The following VAV3 variants were observed in gnomAD, a reference collection of about 807,000 sequenced individuals.
VAV3 encodes vav guanine nucleotide exchange factor 3, also known as guanine nucleotide exchange factor VAV3.
VAV3 carries 94 observed loss-of-function variants against 131.2 expected under a neutral mutation model. The ratio of observed to expected loss-of-function variants is 0.72; its 90% CI spans 0.61 to 0.85. VAV3 has a LOEUF of 0.85. Ranked by LOEUF, VAV3 falls within the 40% of genes least tolerant of loss-of-function variation. VAV3 has a pLI of 0.00. For synonymous variants in VAV3, 349 were observed against 342.0 expected (o/e 1.02, Z -0.22); for missense variants, 939 against 1,002.7 (o/e 0.94, Z 0.86).
chr1:107,753,493 T>TATACACACATATATATACAC (rs1553201222), intron 12 of VAV3, among the ~76,000 whole-genome samples: 24 of 111,620 alleles, frequency 2.2e-4, no homozygotes, highest in African/African-American at 8.1e-4. Context: ...TGTATATATA[T>TATACACACATATATATACAC]ACACACATAT....
At chr1:107,767,622 T>C (rs1158885346) in intron 7 of VAV3, among the ~76,000 whole-genome samples, 2 of 152,088 alleles carry the variant, frequency 1.3e-5, no homozygotes, top group Non-Finnish European at 2.9e-5. Flanking sequence ...CAGAACACAA[T>C]AGAATCAAAA....
At chr1:107,576,399 G>T in intron 25 of VAV3, 4 of 1,521,494 alleles carry the variant, frequency 2.6e-6, no homozygotes, top group Non-Finnish European at 3.5e-6. Context: ...TACCTGACCA[G>T]AAAGGAGTGG....
chr1:107,704,684 C>T (rs56219073), intron 16 of VAV3, 34 bp from the exon 17 acceptor site: 15 of 1,553,418 alleles, frequency 9.7e-6, no homozygotes, highest in South Asian at 2.3e-5. Flanking sequence ...GTATATTAAA[C>T]GGTGCAAAAT....
At chr1:107,796,331 C>T (rs1433918654) in intron 2 of VAV3, among the ~76,000 whole-genome samples, 2 of 152,100 alleles carry the variant, frequency 1.3e-5, no homozygotes, top group Admixed American at 6.5e-5. Context: ...CCAAGCTGCC[C>T]GGCTTCCAAC....
At chr1:107,701,121 A>G (rs1047510809) in intron 17 of VAV3, among the ~76,000 whole-genome samples, 2 of 151,880 alleles carry the variant, frequency 1.3e-5, no homozygotes, top group Non-Finnish European at 1.5e-5. Context: ...GTGTCTGTTC[A>G]TGTCCTTTGC....
chr1:107,632,937 C>G (rs1654613733), intron 20 of VAV3, among the ~76,000 whole-genome samples: 1 of 152,068 alleles, frequency 6.6e-6, no homozygotes, highest in Admixed American at 6.6e-5. Context: ...TAATACTATA[C>G]CAGAAAATCT....
intron 15 of VAV3, among the ~76,000 whole-genome samples, chr1:107,719,215 A>C (rs1661329986): frequency 6.6e-6 from 1 of 152,250 alleles, no homozygotes; most frequent in African/African-American, 2.4e-5. Flanking sequence ...ATGGGATCTA[A>C]TTAAACTAAA....
At position 107,866,822 on chromosome 1, in the gene VAV3, C is replaced by CAAAAAAAAAAA. The variant is rs66866060; in HGVS notation, c.321+8068_321+8078dup. Among the ~76,000 whole-genome samples, 40 of 59,204 alleles carry CAAAAAAAAAAA rather than the reference C, an allele frequency of 6.8e-4. 3 individuals are homozygous for CAAAAAAAAAAA. Among genetic ancestry groups the CAAAAAAAAAAA allele is most frequent in the African/African-American group, 3.1e-3 (38 of 12,214 alleles). The allele number at this position is 59,204 out of a possible 152,430, so 38.8% of individuals were successfully genotyped here. A position where few individuals can be genotyped will look rare whatever the true frequency, so the allele number is the denominator to read the frequency against. On this transcript the variant is annotated intron_variant, in intron 2 of 26. Coordinates refer to ENST00000370056, the MANE Select transcript of VAV3 (RefSeq NM_006113.5). Reference sequence around the variant, plus strand: ...TGGGCAAAAGAGCGAGACTCCATCTCAAAAAAAAAAAAAAAAAAAAAAAAA... The same window carrying CAAAAAAAAAAA: ...TGGGCAAAAGAGCGAGACTCCATCTCAAAAAAAAAAAAAAAAAAAAAAAAAAAAAAAAAAAA...
chr1:107,664,851 A>T (rs894240094), intron 19 of VAV3, among the ~76,000 whole-genome samples: 5 of 152,354 alleles, frequency 3.3e-5, no homozygotes, highest in African/African-American at 9.6e-5. Context: ...GGAATTAACC[A>T]GATATAGAAG....
chr1:107,738,308 C>T (rs1213261002), intron 15 of VAV3, among the ~76,000 whole-genome samples: 1 of 152,096 alleles, frequency 6.6e-6, no homozygotes, highest in Non-Finnish European at 1.5e-5. Context: ...ACATACGTAA[C>T]AAACCTGCAC....
At chr1:107,813,966 C>CTG (rs1557862656) in intron 2 of VAV3, among the ~76,000 whole-genome samples, 1 of 85,860 alleles carries the variant, frequency 1.2e-5, no homozygotes, top group African/African-American at 4.2e-5. Flanking sequence ...AATAGTACTC[C>CTG]AGTGTGTGTG....
At chr1:107,956,231 G>A (rs763441791) in intron 1 of VAV3, among the ~76,000 whole-genome samples, 9 of 152,180 alleles carry the variant, frequency 5.9e-5, no homozygotes, top group African/African-American at 9.7e-5. Flanking sequence ...GTAAGATTAC[G>A]AGTTGAGAGA....
At chr1:107,768,308 CAAAAAAT>C in intron 7 of VAV3, 126 bp downstream of exon 7, 1 of 642,252 alleles carries the variant, frequency 1.6e-6, no homozygotes, top group Non-Finnish European at 2.4e-6. Flanking sequence ...ACTGGAAAAG[CAAAAAAT>C]AAATAAATAA....
rs553639883 is a variant in VAV3, at chr1:107,802,137, G to C, written c.322-22645C>G. On this transcript the variant is annotated intron_variant, in intron 2 of 26. Transcript: ENST00000370056. ...CTATTGCAAATGAGATTGCTTTCTT[G>C]ATTTCTTTTTCAGATTGTTCACTGT... 3.9e-5 allele frequency among the ~76,000 whole-genome samples: 6 copies of C among 152,020 alleles called. No homozygotes were observed. The East Asian group carries it at 1.2e-3, about 29-fold the overall frequency.
At chr1:107,774,152 C>T (rs1665204570) in intron 4 of VAV3, among the ~76,000 whole-genome samples, 2 of 152,092 alleles carry the variant, frequency 1.3e-5, no homozygotes, top group Admixed American at 6.5e-5. Flanking sequence ...CTGCAGCCTC[C>T]ACCTCCTGGG....
intron 24 of VAV3, among the ~76,000 whole-genome samples, chr1:107,601,476 G>C (rs1651857945): frequency 6.6e-6 from 1 of 152,146 alleles, no homozygotes; most frequent in Non-Finnish European, 1.5e-5. Flanking sequence ...CATCTGCAAA[G>C]TGCTTTGAGA....
At chr1:107,782,080 C>A (rs1022948024) in intron 2 of VAV3, among the ~76,000 whole-genome samples, 1 of 152,098 alleles carries the variant, frequency 6.6e-6, no homozygotes, top group Non-Finnish European at 1.5e-5. Flanking sequence ...TGTTAGAAAG[C>A]TATGGGGTGA....
intron 25 of VAV3, among the ~76,000 whole-genome samples, chr1:107,575,970 G>A (rs112871613): frequency 1.3e-5 from 2 of 152,006 alleles, no homozygotes; most frequent in African/African-American, 4.8e-5. Flanking sequence ...CAAGTAATGT[G>A]TACTGAATTT....
At position 107,591,198 on chromosome 1, in the gene VAV3, C is replaced by T. The variant is rs181340788; in HGVS notation, c.2350+5014G>A. Among the ~76,000 whole-genome samples the T allele has an allele frequency of 3.1e-4, 47 of 152,218 alleles. No homozygotes were observed. In the East Asian group the frequency reaches 7.7e-3, roughly 25 times the overall value. On this transcript the variant is annotated intron_variant, in intron 25 of 26. Transcript: ENST00000370056. Reference sequence around the variant, plus strand: ...CTGACTGTCACTTCTTCAAAAAGCCCTTCTCTGACCCTGAAGGCTAAATGG... The same window carrying T: ...CTGACTGTCACTTCTTCAAAAAGCCTTTCTCTGACCCTGAAGGCTAAATGG...
Sources: gnomAD v4.1 joint callset for allele counts (sites outside exome capture counted in the v4.1 genomes callset) on GRCh38, gnomAD v4.1.1 for gene constraint, MANE v1.5 for transcripts, NCBI Gene and HGNC (gene_info 2026-07-23, HGNC 2026-07-21) for gene names.